The following CCDC88A variants were observed in gnomAD, a reference collection of about 807,000 sequenced individuals.
The protein encoded by CCDC88A is girdin.
Under a neutral mutation model 234.3 loss-of-function variants are expected in CCDC88A, and 54 were observed. The observed-to-expected ratio is 0.23, with a 90% CI of 0.19 to 0.29. The LOEUF (loss-of-function observed/expected upper bound fraction) is 0.29, where lower values mean the gene tolerates loss of function less well. Ranked by LOEUF, CCDC88A falls within the 10% of genes least tolerant of loss-of-function variation. The probability of loss-of-function intolerance (pLI) is 1.00; values close to 1 mark genes in which losing one functional copy is unlikely to be tolerated. For missense variants in CCDC88A, 1,832 were observed against 2,123.4 expected (o/e 0.86, Z 2.70); for synonymous variants, 753 against 737.8 (o/e 1.02, Z -0.33).
chr2:55,310,192 T>G (rs879619068), intron 23 of CCDC88A, among the ~76,000 whole-genome samples: 3 of 152,122 alleles, frequency 2.0e-5, no homozygotes, highest in African/African-American at 7.2e-5. Context: ...TTCTGCTCAG[T>G]AGGAAATCAG....
chr2:55,312,500 T>C lies in CCDC88A; in HGVS notation c.4013A>G (p.Asn1338Ser). 6.2e-7 allele frequency: 1 copy of C among 1,612,380 alleles called. No homozygotes were observed. The highest frequency in any genetic ancestry group is 8.5e-7 in the Non-Finnish European group (1 of 1,179,434). The stretch of plus-strand genomic sequence containing the variant: ...CATATTCTGCTCCAAAAGTGTTCTG[T>C]TCTGTAGCATTAATGTCTGAATTTG... ...LDQIQTLMLQ[N>S]RTLLEQNMES... Residue 1338 changes from asparagine to serine, a missense_variant, in exon 23 of 33, where the codon AAC (asparagine) becomes AGC (serine). This residue lies in a region of CCDC88A where 1,282 missense variants were observed against 1,543.6 expected (regional missense o/e 0.83). Transcript: ENST00000436346.
chr2:55,376,078 T>C lies in CCDC88A; in HGVS notation c.274-1195A>G, dbSNP rs148908952. On this transcript the variant is annotated intron_variant, in intron 3 of 32. Coordinates refer to ENST00000436346, the MANE Select transcript of CCDC88A (RefSeq NM_001365480.1). ...GAAAGAACTGAATTCTTTCTAATTC[T>C]TCAATTTAGTTAATACATCAAGTAT... 2.9e-3 allele frequency among the ~76,000 whole-genome samples: 441 copies of C among 152,308 alleles called. 3 individuals are homozygous for C. The highest frequency in any genetic ancestry group is 9.9e-3 in the African/African-American group (410 of 41,570).
chr2:55,323,121 G>C (rs1318517691), intron 17 of CCDC88A: 2 of 152,426 alleles, frequency 1.3e-5, no homozygotes, highest in African/African-American at 4.8e-5. Flanking sequence ...CTCTCTTAAA[G>C]TAGATTACAA....
intron 28 of CCDC88A, chr2:55,300,598 C>T (rs935577062): frequency 6.6e-6 from 1 of 152,568 alleles, no homozygotes; most frequent in African/African-American, 2.4e-5. Context: ...GCAACCTCCG[C>T]CTCCTGGGTT....
At chr2:55,391,622 G>A (rs993777677) in intron 2 of CCDC88A, among the ~76,000 whole-genome samples, 10 of 152,114 alleles carry the variant, frequency 6.6e-5, no homozygotes, top group African/African-American at 2.4e-4. Context: ...ACAACTATTT[G>A]AAATGAAAAA....
intron 6 of CCDC88A, among the ~76,000 whole-genome samples, chr2:55,363,279 GAA>G (rs1186215423): frequency 6.6e-6 from 1 of 151,712 alleles, no homozygotes; most frequent in Non-Finnish European, 1.5e-5. Context: ...TTTGAACAAA[GAA>G]TATTTTAAAT....
intron 2 of CCDC88A, among the ~76,000 whole-genome samples, chr2:55,410,285 G>A (rs1316329012): frequency 6.6e-6 from 1 of 152,174 alleles, no homozygotes; most frequent in African/African-American, 2.4e-5. Context: ...CCTCTTTGTG[G>A]TGCTAGAAAG....
At chr2:55,374,310 G>T (rs1673269422) in intron 4 of CCDC88A, among the ~76,000 whole-genome samples, 1 of 152,162 alleles carries the variant, frequency 6.6e-6, no homozygotes, top group African/African-American at 2.4e-5. Flanking sequence ...TGAGGTTGCA[G>T]TGAGCCAAGA....
chr2:55,296,859 T>C (rs1680091878), intron 29 of CCDC88A: 1 of 190,190 alleles, frequency 5.3e-6, no homozygotes, highest in Non-Finnish European at 1.1e-5. Context: ...GTGAATAATA[T>C]ATTTTTTAAA....
chr2:55,353,649 C>CAAAAAAAAAA (rs34022778), intron 8 of CCDC88A, among the ~76,000 whole-genome samples: 1 of 77,076 alleles, frequency 1.3e-5, no homozygotes, highest in Non-Finnish European at 2.7e-5. Context: ...GAAACCAAAC[C>CAAAAAAAAAA]AAAAAAAAAA....
chr2:55,387,290 C>CA (rs1675827853), intron 3 of CCDC88A, among the ~76,000 whole-genome samples: 1 of 149,986 alleles, frequency 6.7e-6, no homozygotes, highest in African/African-American at 2.5e-5. Flanking sequence ...ACAAGAAAAG[C>CA]TTAAAAGTCA....
At chr2:55,330,586 G>T (rs190165982) in intron 16 of CCDC88A, among the ~76,000 whole-genome samples, 172 of 152,178 alleles carry the variant, frequency 1.1e-3, no homozygotes, top group South Asian at 7.1e-3. Context: ...ATTTATGTCT[G>T]TGAGTTTCTG....
At chr2:55,318,775 AC>A (rs1683264502) in intron 19 of CCDC88A, 67 bp downstream of exon 19, 2 of 1,219,966 alleles carry the variant, frequency 1.6e-6, no homozygotes, top group Non-Finnish European at 2.3e-6. Context: ...TTCCATGTTT[AC>A]CCTCCCTTAT....
intron 8 of CCDC88A, chr2:55,350,356 C>T (rs1432235601): frequency 6.6e-6 from 1 of 152,126 alleles, no homozygotes; most frequent in African/African-American, 2.4e-5. Flanking sequence ...CTTTACTTCG[C>T]TATTGGTTTC....
At position 55,296,268 on chromosome 2, in the gene CCDC88A, G is replaced by A; in HGVS notation, c.5081C>T (p.Thr1694Ile). Residue 1694 changes from threonine (T) to isoleucine (I), a missense_variant, in exon 30 of 33, where the codon ACC becomes ATC. Around this residue, in one of 6 missense-constraint regions of CCDC88A, gnomAD observed 422 missense variants for 416.5 expected, o/e 1.01. Coordinates refer to ENST00000436346, the MANE Select transcript of CCDC88A (RefSeq NM_001365480.1). ...QQFLEESNKLTSVQIKSSSQE... is the reference protein window; with the variant it reads ...QQFLEESNKLISVQIKSSSQE... ...ATAGATAAAACTAACCTGTACTGAG[G>A]TAAGCTTATTGCTTTCTTCCAAAAA... The A allele has an allele frequency of 6.2e-7, 1 of 1,613,936 alleles. No individual in the cohort carries two copies. Among genetic ancestry groups the A allele is most frequent in the Non-Finnish European group, 8.5e-7 (1 of 1,179,958 alleles).
At chr2:55,388,217 AG>A (rs2104890392) in intron 3 of CCDC88A, among the ~76,000 whole-genome samples, 1 of 152,330 alleles carries the variant, frequency 6.6e-6, no homozygotes, top group Admixed American at 6.5e-5. Context: ...AAAAGCAAAA[AG>A]GTTACTTGAA....
chr2:55,299,777 A>G, intron 29 of CCDC88A, 62 bp downstream of exon 29: 1 of 1,106,710 alleles, frequency 9.0e-7, no homozygotes, highest in East Asian at 2.4e-5. Flanking sequence ...ACTTCATCCC[A>G]TCTCCCACCT....
intron 28 of CCDC88A, 129 bp from the exon 29 acceptor site, chr2:55,300,048 G>T (rs1680692622): frequency 3.1e-6 from 2 of 654,350 alleles, no homozygotes; most frequent in Admixed American, 5.2e-5. Flanking sequence ...AGCATGCCCA[G>T]ATTAGAAAGC....
At position 55,384,562 on chromosome 2, in the gene CCDC88A, C is replaced by T. The variant is rs866920264; in HGVS notation, c.273+4216G>A. Among the ~76,000 whole-genome samples the T allele has an allele frequency of 6.6e-4, 45 of 67,816 alleles. 6 individuals are homozygous for T. Among genetic ancestry groups the T allele is most frequent in the African/African-American group, 1.0e-3 (17 of 16,894 alleles). The allele number at this position is 67,816 out of a possible 152,430, so 44.5% of individuals were successfully genotyped here. On this transcript the variant is annotated intron_variant, in intron 3 of 32. Transcript: ENST00000436346. The stretch of plus-strand genomic sequence containing the variant: ...ATACGTATATATGTGTATATATACA[C>T]ATATATACGTATATATGTGTATATA...
Sources: gnomAD v4.1 joint callset for allele counts (sites outside exome capture counted in the v4.1 genomes callset) on GRCh38, gnomAD v4.1.1 for gene constraint, gnomAD v4.1.1 regional missense constraint, MANE v1.5 for transcripts, NCBI Gene and HGNC (gene_info 2026-07-23, HGNC 2026-07-21) for gene names.